SBF2: variants seen among roughly 807,000 people sequenced by gnomAD.
SBF2 encodes SET binding factor 2.
SBF2 carries 112 observed loss-of-function variants against 225.2 expected under a neutral mutation model. The ratio of observed to expected loss-of-function variants is 0.50; its 90% confidence interval spans 0.43 to 0.58. SBF2 has a LOEUF of 0.58. Ranked by LOEUF, SBF2 falls within the 20% of genes least tolerant of loss-of-function variation. The probability of loss-of-function intolerance (pLI) is 0.00; values close to 1 mark genes in which losing one functional copy is unlikely to be tolerated. For missense variants in SBF2, 1,996 were observed against 2,206.2 expected (o/e 0.90, Z 1.91); for synonymous variants, 763 against 773.3 (o/e 0.99, Z 0.22).
Position 9,946,718 on chromosome 11 carries a change from G to A in SBF2, c.1860+15239C>T, listed in dbSNP as rs540817580. 1.7e-4 allele frequency among the ~76,000 whole-genome samples: 26 copies of A among 152,234 alleles called. 1 individual carries two copies. Among genetic ancestry groups the A allele is most frequent in the Middle Eastern group, 3.4e-3 (1 of 294 alleles). Reference sequence around the variant, plus strand: ...GCCCGCCTCGGCCTCCCAGAGTACTGGGATTACAGGCTTGAGCCACTGCAC... The same window carrying A: ...GCCCGCCTCGGCCTCCCAGAGTACTAGGATTACAGGCTTGAGCCACTGCAC... On this transcript the variant is annotated intron_variant, in intron 16 of 39. Transcript: ENST00000256190.
intron 2 of SBF2, among the ~76,000 whole-genome samples, chr11:10,171,950 C>G (rs967860626): frequency 6.6e-6 from 1 of 152,088 alleles, no homozygotes. Flanking sequence ...TCACAGTAGC[C>G]ACTAATGGTC....
chr11:9,814,752 T>C (rs11601110), intron 29 of SBF2, among the ~76,000 whole-genome samples: 80,601 of 152,046 alleles, frequency 0.53, 23,756 homozygotes, highest in Non-Finnish European at 0.67. Flanking sequence ...TCAGGAAAGG[T>C]AGATTCCTAT....
intron 1 of SBF2, among the ~76,000 whole-genome samples, chr11:10,251,244 G>T (rs552184602): frequency 5.9e-5 from 9 of 152,282 alleles, no homozygotes; most frequent in African/African-American, 2.2e-4. Context: ...GGGCCAGAAA[G>T]AATATTGTCA....
chr11:9,890,399 C>CT (rs1265861278), intron 17 of SBF2, among the ~76,000 whole-genome samples: 1 of 152,066 alleles, frequency 6.6e-6, no homozygotes, highest in East Asian at 1.9e-4. Context: ...TGGCTAGATA[C>CT]TAGAAAATAA....
intron 17 of SBF2, 121 bp from the exon 18 acceptor site, chr11:9,858,517 G>A (rs1161172667): frequency 2.0e-6 from 2 of 1,018,280 alleles, no homozygotes; most frequent in African/African-American, 1.6e-5. Context: ...AATATCGTAT[G>A]GTAGTACAGG....
In SBF2 at chr11:10,250,974, A is replaced by C. The variant is rs1565401074; in HGVS notation, c.55+43041T>G. Among the ~76,000 whole-genome samples, 5 of 152,340 alleles carry C rather than the reference A, an allele frequency of 3.3e-5. No homozygotes were observed. The South Asian group carries it at 6.2e-4, about 19-fold the overall frequency. On this transcript the variant is annotated intron_variant, in intron 1 of 39. Transcript: ENST00000256190. ...ACAGCTTTTCCTAGGATCATGGATC[A>C]AGACTTCTACTATCATTAGACTCTT...
chr11:9,852,070 T>C (rs1314132439), intron 21 of SBF2, among the ~76,000 whole-genome samples: 1 of 152,250 alleles, frequency 6.6e-6, no homozygotes, highest in Non-Finnish European at 1.5e-5. Context: ...CCATGGCTCC[T>C]GGCCTCAATT....
intron 2 of SBF2, among the ~76,000 whole-genome samples, chr11:10,130,290 A>AG (rs1953976011): frequency 6.6e-6 from 1 of 151,686 alleles, no homozygotes; most frequent in African/African-American, 2.4e-5. Flanking sequence ...TTAACGCAGG[A>AG]GGCGGAGGTT....
intron 1 of SBF2, among the ~76,000 whole-genome samples, chr11:10,197,922 C>T (rs1957435320): frequency 6.6e-6 from 1 of 152,234 alleles, no homozygotes; most frequent in Admixed American, 6.5e-5. Context: ...TCAGTCACAT[C>T]TTCAGGCTCC....
intron 21 of SBF2, among the ~76,000 whole-genome samples, chr11:9,851,350 A>G (rs1335269949): frequency 6.6e-6 from 1 of 152,174 alleles, no homozygotes; most frequent in Non-Finnish European, 1.5e-5. Flanking sequence ...CACTTTCTAC[A>G]ATGTGTATTT....
chr11:10,175,699 C>G (rs1339430106), intron 2 of SBF2, among the ~76,000 whole-genome samples: 2 of 151,184 alleles, frequency 1.3e-5, no homozygotes, highest in East Asian at 3.9e-4. Context: ...CCCAAATCAA[C>G]AGAATAGACA....
At chr11:10,156,287 G>A (rs532519928) in intron 2 of SBF2, among the ~76,000 whole-genome samples, 6 of 152,342 alleles carry the variant, frequency 3.9e-5, no homozygotes, top group African/African-American at 1.4e-4. Context: ...TGGTAACCAT[G>A]GTAACCAGCG....
intron 2 of SBF2, among the ~76,000 whole-genome samples, chr11:10,091,575 C>T (rs1829516878): frequency 6.6e-6 from 1 of 152,130 alleles, no homozygotes; most frequent in African/African-American, 2.4e-5. Context: ...ATGTTGCCTG[C>T]ATACATAATA....
At chr11:9,908,361 C>G (rs1320724299) in intron 16 of SBF2, among the ~76,000 whole-genome samples, 1 of 152,160 alleles carries the variant, frequency 6.6e-6, no homozygotes, top group East Asian at 1.9e-4. Flanking sequence ...TGCGGTGGCT[C>G]ACGCCTGTAA....
chr11:10,096,514 TC>T (rs1398872667), intron 2 of SBF2, among the ~76,000 whole-genome samples: 1 of 151,552 alleles, frequency 6.6e-6, no homozygotes, highest in African/African-American at 2.4e-5. Context: ...AAATCTAAAT[TC>T]CTTGCTGTCC....
At chr11:9,936,054 C>T (rs1009397556) in intron 16 of SBF2, among the ~76,000 whole-genome samples, 1 of 151,988 alleles carries the variant, frequency 6.6e-6, no homozygotes, top group African/African-American at 2.4e-5. Context: ...TGCAATCTAC[C>T]CATCTGACAA....
intron 16 of SBF2, among the ~76,000 whole-genome samples, chr11:9,943,166 G>A (rs992122831): frequency 6.6e-6 from 1 of 152,044 alleles, no homozygotes; most frequent in African/African-American, 2.4e-5. Flanking sequence ...TTCTTCTGGG[G>A]CAATTGGTTA....
chr11:10,160,342 T>C (rs1220231508), intron 2 of SBF2, among the ~76,000 whole-genome samples: 1 of 152,200 alleles, frequency 6.6e-6, no homozygotes, highest in Non-Finnish European at 1.5e-5. Context: ...TTCAGAAAAT[T>C]ATTCTAAGAC....
At chr11:9,894,661 G>C (rs1861098154) in intron 17 of SBF2, among the ~76,000 whole-genome samples, 1 of 152,062 alleles carries the variant, frequency 6.6e-6, no homozygotes, top group Admixed American at 6.6e-5. Flanking sequence ...TACAGCCTGG[G>C]CAACAGAGTG....
Sources: allele counts gnomAD v4.1 joint callset (sites outside exome capture counted in the v4.1 genomes callset), GRCh38; gene constraint gnomAD v4.1.1; transcripts MANE v1.5; gene names NCBI Gene and HGNC (gene_info 2026-07-23, HGNC 2026-07-21).